The following NXPH1 variants were observed in gnomAD, a reference collection of about 807,000 sequenced individuals.
NXPH1 encodes neurexophilin 1.
In NXPH1, 5 loss-of-function variants were observed where a neutral mutation model predicts 23.7. The observed-to-expected ratio is 0.21, with a 90% CI of 0.11 to 0.44. The LOEUF is 0.44. NXPH1 is among the 20% of genes least tolerant of loss of function. The pLI is 0.99. For synonymous variants in NXPH1, 144 were observed against 122.2 expected, an observed-to-expected ratio of 1.18 and a Z score of -1.18; for missense variants, 324 against 321.6, an observed-to-expected ratio of 1.01 and a Z score of -0.06.
At chr7:8,674,162 GAC>G (rs35790323) in intron 2 of NXPH1, among the ~76,000 whole-genome samples, 5,704 of 86,076 alleles carry the variant, frequency 0.066, 267 homozygotes, top group African/African-American at 0.14. Context: ...CAAACATATA[GAC>G]ACACACACAC....
chr7:8,467,078 C>A (rs1816798760), intron 2 of NXPH1, among the ~76,000 whole-genome samples: 1 of 152,154 alleles, frequency 6.6e-6, no homozygotes, highest in Non-Finnish European at 1.5e-5. Context: ...CACTGACACT[C>A]AGTGTTCAGT....
At chr7:8,650,722 A>G (rs1220320306) in intron 2 of NXPH1, among the ~76,000 whole-genome samples, 2 of 152,208 alleles carry the variant, frequency 1.3e-5, no homozygotes, top group Non-Finnish European at 2.9e-5. Context: ...TTTTGGCAGC[A>G]TCCTATTGTA....
intron 2 of NXPH1, among the ~76,000 whole-genome samples, chr7:8,491,118 T>C (rs562713796): frequency 6.6e-6 from 1 of 152,176 alleles, no homozygotes; most frequent in African/African-American, 2.4e-5. Context: ...TTGTAGTTTA[T>C]TATCCTCTGA....
intron 2 of NXPH1, among the ~76,000 whole-genome samples, chr7:8,533,894 A>T (rs1003585897): frequency 2.6e-5 from 4 of 152,084 alleles, no homozygotes; most frequent in Admixed American, 6.6e-5. Flanking sequence ...TCTTTCTGTG[A>T]GCTCTGTTAG....
intron 2 of NXPH1, among the ~76,000 whole-genome samples, chr7:8,483,783 T>G (rs969109846): frequency 6.6e-6 from 1 of 152,174 alleles, no homozygotes; most frequent in Non-Finnish European, 1.5e-5. Flanking sequence ...TGAAAACCAC[T>G]AGACCAGATG....
chr7:8,535,041 T>C (rs1451913768), intron 2 of NXPH1, among the ~76,000 whole-genome samples: 1 of 152,072 alleles, frequency 6.6e-6, no homozygotes. Context: ...CCCAAATCAA[T>C]GAAAGTAAAG....
At chr7:8,590,607 T>C (rs1367003152) in intron 2 of NXPH1, among the ~76,000 whole-genome samples, 1 of 152,088 alleles carries the variant, frequency 6.6e-6, no homozygotes, top group Admixed American at 6.6e-5. Context: ...TCATGAACAA[T>C]AAATGTTAAA....
intron 2 of NXPH1, among the ~76,000 whole-genome samples, chr7:8,550,341 C>T (rs1378563669): frequency 6.6e-6 from 1 of 151,526 alleles, no homozygotes; most frequent in Non-Finnish European, 1.5e-5. Context: ...AATAACTTCA[C>T]CAACAACCTC....
At chr7:8,644,601 C>T (rs188026098) in intron 2 of NXPH1, among the ~76,000 whole-genome samples, 198 of 152,036 alleles carry the variant, frequency 1.3e-3, no homozygotes, top group Middle Eastern at 3.4e-3. Flanking sequence ...ATTGGGATTT[C>T]AGAAAGAACA....
At chr7:8,587,419 T>C (rs145424294) in intron 2 of NXPH1, among the ~76,000 whole-genome samples, 212 of 152,204 alleles carry the variant, frequency 1.4e-3, no homozygotes, top group African/African-American at 4.8e-3. Context: ...CTCAAGGGAT[T>C]CTTCCCAATC....
At chr7:8,622,414 C>A (rs779709330) in intron 2 of NXPH1, among the ~76,000 whole-genome samples, 1 of 152,098 alleles carries the variant, frequency 6.6e-6, no homozygotes, top group African/African-American at 2.4e-5. Context: ...AAGTCTAGTT[C>A]TTTCCCAACT....
chr7:8,461,461 T>G (rs529796201), intron 2 of NXPH1, among the ~76,000 whole-genome samples: 1 of 152,210 alleles, frequency 6.6e-6, no homozygotes, highest in Admixed American at 6.5e-5. Context: ...GTATTATTAA[T>G]GTGAAGTAGA....
At chr7:8,454,331 T>G (rs576362403) in intron 2 of NXPH1, among the ~76,000 whole-genome samples, 67 of 152,268 alleles carry the variant, frequency 4.4e-4, no homozygotes, top group African/African-American at 1.6e-3. Context: ...CTCTGTGATA[T>G]GGTTGAAATA....
chr7:8,590,292 G>C (rs1465055588), intron 2 of NXPH1, among the ~76,000 whole-genome samples: 1 of 152,038 alleles, frequency 6.6e-6, no homozygotes, highest in Admixed American at 6.6e-5. Context: ...AGTAAGTCTA[G>C]GTCTAGGCTA....
chr7:8,526,493 G>T (rs931474633), intron 2 of NXPH1, among the ~76,000 whole-genome samples: 2 of 152,088 alleles, frequency 1.3e-5, no homozygotes, highest in Non-Finnish European at 2.9e-5. Flanking sequence ...AAGAGATTTG[G>T]AGAGGCCAGG....
At chr7:8,706,374 A>G (rs73053914) in intron 2 of NXPH1, among the ~76,000 whole-genome samples, 4,863 of 152,316 alleles carry the variant, frequency 0.032, 136 homozygotes, top group Middle Eastern at 0.13. Context: ...TTTACTACAT[A>G]TAATCCTTCT....
At chr7:8,663,126 G>C (rs909246721) in intron 2 of NXPH1, among the ~76,000 whole-genome samples, 1 of 152,000 alleles carries the variant, frequency 6.6e-6, no homozygotes, top group African/African-American at 2.4e-5. Context: ...AGAAAGCTCT[G>C]GGCTTAAAAT....
At chr7:8,693,561 C>T (rs1205010910) in intron 2 of NXPH1, among the ~76,000 whole-genome samples, 3 of 152,162 alleles carry the variant, frequency 2.0e-5, no homozygotes, top group Non-Finnish European at 4.4e-5. Flanking sequence ...TAAGGCAGGA[C>T]TAATATCTAT....
rs151005387 is a variant in NXPH1 at position 8,480,065 on chromosome 7, A to G, written c.54+44298A>G. Reference sequence around the variant, plus strand: ...AAAAGTGATTGCTATAAAAGTTGGGATAGTGGTTACTTTTGGGAGGAGGGA... The same window carrying G: ...AAAAGTGATTGCTATAAAAGTTGGGGTAGTGGTTACTTTTGGGAGGAGGGA... On this transcript the variant is annotated intron_variant, in intron 2 of 2. Transcript: ENST00000405863. Among the ~76,000 whole-genome samples, 777 of 152,256 alleles carry G rather than the reference A, an allele frequency of 5.1e-3. 6 individuals are homozygous for G. Among genetic ancestry groups the G allele is most frequent in the Middle Eastern group, 0.014 (4 of 294 alleles).
Sources: allele counts gnomAD v4.1 joint callset (sites outside exome capture counted in the v4.1 genomes callset), GRCh38; gene constraint gnomAD v4.1.1; transcripts MANE v1.5; gene names NCBI Gene and HGNC (gene_info 2026-07-23, HGNC 2026-07-21).